HNF4A: variants seen among roughly 807,000 people sequenced by gnomAD.
HNF4A encodes the protein hepatocyte nuclear factor 4 alpha.
Under a neutral mutation model 52.4 loss-of-function variants are expected in HNF4A, and 15 were observed. That is an observed-to-expected ratio of 0.29 (90% CI 0.19 to 0.44). HNF4A has a LOEUF of 0.44. Among genes scored for constraint, HNF4A ranks in the 20% least tolerant of loss-of-function variants. HNF4A has a pLI of 1.00. For missense variants in HNF4A, 479 were observed against 647.2 expected (o/e 0.74, Z 2.82); for synonymous variants, 280 against 264.4 (o/e 1.06, Z -0.57).
At chr20:44,404,883 G>T (rs1294593768) in intron 1 of HNF4A, among the ~76,000 whole-genome samples, 1 of 18,948 alleles carries the variant, frequency 5.3e-5, no homozygotes, top group East Asian at 1.7e-3. Flanking sequence ...GTGACTGCTT[G>T]GTGTGTGTGA....
At chr20:44,388,053 G>C (rs2063252834) in intron 1 of HNF4A, among the ~76,000 whole-genome samples, 1 of 151,618 alleles carries the variant, frequency 6.6e-6, no homozygotes, top group Admixed American at 6.6e-5. Context: ...CTAACCCAAA[G>C]GTTATAATTT....
At chr20:44,404,760 CAT>C (rs918581337) in intron 1 of HNF4A, among the ~76,000 whole-genome samples, 1 of 5,058 alleles carries the variant, frequency 2.0e-4, no homozygotes, top group Non-Finnish European at 5.0e-4. Flanking sequence ...TATGTGTACA[CAT>C]GTGTGTATAT....
At position 44,429,226 on chromosome 20, in the gene HNF4A, G is replaced by A. The variant is rs114912968; in HGVS notation, c.1283-297G>A. Among the ~76,000 whole-genome samples, 353 of 152,154 alleles carry A rather than the reference G, an allele frequency of 2.3e-3. 2 individuals carry two copies. Among genetic ancestry groups the A allele is most frequent in the African/African-American group, 8.2e-3 (339 of 41,512 alleles). ...TTGCCGCTGGGGACAGCCAGGCCTG[G>A]GCCTTGGTTTGGGAGAAGCAGTCCA... is the stretch of plus-strand genomic sequence containing the variant. On this transcript the variant is annotated intron_variant, in intron 9 of 9. Coordinates refer to ENST00000316099, the MANE Select transcript of HNF4A (RefSeq NM_000457.6).
chr20:44,355,894 G>A, intron 1 of HNF4A, 41 bp downstream of exon 1: 1 of 1,566,934 alleles, frequency 6.4e-7, no homozygotes, highest in Non-Finnish European at 8.8e-7. Context: ...GCGGGACTGC[G>A]GTCAGCTTTG....
intron 1 of HNF4A, among the ~76,000 whole-genome samples, chr20:44,358,175 A>AG (rs1336700745): frequency 6.7e-5 from 10 of 150,336 alleles, no homozygotes; most frequent in African/African-American, 2.5e-4. Flanking sequence ...TTGTGAGTCA[A>AG]ATCATTACCC....
intron 1 of HNF4A, among the ~76,000 whole-genome samples, chr20:44,375,647 AG>A (rs918817528): frequency 6.6e-6 from 1 of 152,162 alleles, no homozygotes; most frequent in Admixed American, 6.6e-5. Context: ...GGGTGTTGGA[AG>A]GGAACTTTGA....
chr20:44,418,535 C>G (rs2063698489), intron 6 of HNF4A, 23 bp downstream of exon 6: 1 of 1,551,720 alleles, frequency 6.4e-7, no homozygotes, highest in African/African-American at 1.4e-5. Context: ...CCTGCCCTGG[C>G]CAGGGCTCCA....
At chr20:44,363,855 C>G (rs763747575) in intron 1 of HNF4A, among the ~76,000 whole-genome samples, 1 of 151,962 alleles carries the variant, frequency 6.6e-6, no homozygotes, top group African/African-American at 2.4e-5. Context: ...TGCCACCACA[C>G]CTGACAAATT....
intron 1 of HNF4A, chr20:44,402,711 C>A: frequency 1.0e-6 from 1 of 998,476 alleles, no homozygotes; most frequent in Non-Finnish European, 1.4e-6. Flanking sequence ...CCAGGCCAGC[C>A]TCAGAGGAGA....
chr20:44,430,186 G>A lies in HNF4A; in HGVS notation c.*521G>A, dbSNP rs111466682. On this transcript the variant is annotated 3_prime_UTR_variant, in exon 10 of 10. Transcript: ENST00000316099. ...TGCTGTCACCTTGCTCAGCCATCCC[G>A]TCTTCTCCAACACCACCTCTCCAGA... 6.8e-3 allele frequency: 1,065 copies of A among 157,390 alleles called. 12 individuals are homozygous for A. Among genetic ancestry groups the A allele is most frequent in the African/African-American group, 0.022 (897 of 41,536 alleles). 9.7% of individuals were successfully genotyped at this position (157,390 alleles called of 1,614,324 possible).
intron 1 of HNF4A, among the ~76,000 whole-genome samples, chr20:44,375,766 T>A (rs1345202380): frequency 6.6e-6 from 1 of 152,202 alleles, no homozygotes; most frequent in Non-Finnish European, 1.5e-5. Context: ...AATTTCATTA[T>A]CCGAGAACTT....
At position 44,432,542 on chromosome 20, in the gene HNF4A, G is replaced by GT. The variant is rs1330953486; in HGVS notation, c.*2878dup. On this transcript the variant is annotated 3_prime_UTR_variant, in exon 10 of 10. Coordinates refer to ENST00000316099, the MANE Select transcript of HNF4A (RefSeq NM_000457.6). ...GAGAGTGGACAGAGGAGAGGAGAGG[G>GT]TCAGAAATGAACGCTCTTCTATTTC... 6.6e-6 allele frequency: 1 copy of GT among 151,544 alleles called. No homozygotes were observed. The highest frequency in any genetic ancestry group is 2.4e-5 in the African/African-American group (1 of 41,206). 9.4% of individuals were successfully genotyped at this position (151,544 alleles called of 1,614,324 possible). A position where few individuals can be genotyped will look rare whatever the true frequency, so the allele number is the denominator to read the frequency against.
chr20:44,386,844 A>G (rs774471423), intron 1 of HNF4A, among the ~76,000 whole-genome samples: 5 of 152,238 alleles, frequency 3.3e-5, no homozygotes, highest in Non-Finnish European at 5.9e-5. Flanking sequence ...CGATTTTTAA[A>G]TCTTCAATTT....
At chr20:44,418,895 C>T (rs561966552) in intron 6 of HNF4A, among the ~76,000 whole-genome samples, 58 of 152,272 alleles carry the variant, frequency 3.8e-4, no homozygotes, top group African/African-American at 1.3e-3. Flanking sequence ...CCTGCCTCAC[C>T]CTCCAGAGTT....
intron 5 of HNF4A, among the ~76,000 whole-genome samples, chr20:44,415,886 G>A (rs962575447): frequency 2.6e-5 from 4 of 152,082 alleles, no homozygotes; most frequent in South Asian, 4.2e-4. Context: ...TGGACAATCC[G>A]CCCCTACCCT....
intron 1 of HNF4A, among the ~76,000 whole-genome samples, chr20:44,402,189 G>T (rs982731563): frequency 6.6e-6 from 1 of 152,060 alleles, no homozygotes; most frequent in African/African-American, 2.4e-5. Flanking sequence ...CATTGAGTGG[G>T]TCTGTGTTTG....
intron 1 of HNF4A, among the ~76,000 whole-genome samples, chr20:44,359,658 A>G (rs1036254184): frequency 8.5e-5 from 13 of 152,214 alleles, no homozygotes; most frequent in African/African-American, 2.7e-4. Flanking sequence ...TGTGCACTGT[A>G]GGATGTTAAG....
At chr20:44,362,418 T>TAA (rs36103037) in intron 1 of HNF4A, among the ~76,000 whole-genome samples, 43 of 104,146 alleles carry the variant, frequency 4.1e-4, no homozygotes, top group African/African-American at 1.2e-3. Context: ...AAACTTGTCT[T>TAA]AAAAAAAAAA....
intron 1 of HNF4A, among the ~76,000 whole-genome samples, chr20:44,375,489 GT>G (rs1200934748): frequency 2.0e-5 from 3 of 149,574 alleles, no homozygotes; most frequent in Admixed American, 6.7e-5. Flanking sequence ...CCAGGGAAAT[GT>G]TTTTGTTTTT....
Sources: gnomAD v4.1 joint callset for allele counts (sites outside exome capture counted in the v4.1 genomes callset) on GRCh38, gnomAD v4.1.1 for gene constraint, MANE v1.5 for transcripts, NCBI Gene and HGNC (gene_info 2026-07-23, HGNC 2026-07-21) for gene names.